The following DNAH17 variants were observed in gnomAD, a reference collection of about 807,000 sequenced individuals.
The protein encoded by DNAH17 is dynein axonemal heavy chain 17.
DNAH17 carries 376 observed loss-of-function variants against 485.6 expected under a neutral mutation model. That is an observed-to-expected ratio of 0.77 (90% confidence interval 0.71 to 0.84). The LOEUF is 0.84. Among genes scored for constraint, DNAH17 ranks in the 40% least tolerant of loss-of-function variants. The pLI, the probability that DNAH17 is intolerant of heterozygous loss-of-function variation, is 0.00. For synonymous variants in DNAH17, 3,031 were observed against 2,405.9 expected (o/e 1.26, Z -7.60); for missense variants, 6,370 against 5,839.3 (o/e 1.09, Z -2.96).
intron 80 of DNAH17, chr17:78,424,395 T>C (rs2086309890): frequency 2.1e-6 from 1 of 470,704 alleles, no homozygotes; most frequent in Non-Finnish European, 3.8e-6. Context: ...GTTCCATCCG[T>C]TTAAATCTGT....
At chr17:78,570,887 A>T in intron 6 of DNAH17, 61 bp downstream of exon 6, 2 of 822,774 alleles carry the variant, frequency 2.4e-6, no homozygotes, top group Non-Finnish European at 3.5e-6. Flanking sequence ...AAGAAAAAAG[A>T]AAAGAAAAGA....
Position 78,572,904 on chromosome 17 carries a change from AAC to A in DNAH17, c.346-12_346-11del, listed in dbSNP as rs1178484411. 1 of 1,611,934 alleles carries A rather than the reference AAC, an allele frequency of 6.2e-7. No homozygotes were observed. The highest frequency in any genetic ancestry group is 1.3e-5 in the African/African-American group (1 of 74,864). ...ACAGAGAAGAGAGGACCTAAAAGGAAACACTTCTGTGGTTCCGCCCCCTGTGC... is the reference window on the plus strand; with the variant it reads ...ACAGAGAAGAGAGGACCTAAAAGGAAACTTCTGTGGTTCCGCCCCCTGTGC... On this transcript the variant is annotated splice_polypyrimidine_tract_variant and intron_variant, in intron 2 of 80. Coordinates refer to ENST00000389840, the MANE Select transcript of DNAH17 (RefSeq NM_173628.4).
At position 78,561,886 on chromosome 17, in the gene DNAH17, T is replaced by C; in HGVS notation, c.1664A>G (p.Glu555Gly). The C allele has an allele frequency of 1.2e-6, 2 of 1,613,876 alleles. No individual in the cohort carries two copies. The highest frequency in any genetic ancestry group is 1.7e-6 in the Non-Finnish European group (2 of 1,179,852). Reference sequence around the variant, plus strand: ...GTACAAGATCTTAGCATTGTCTAGCTCAGCGTCAAACAGCTCCAGCATGAC... The same window carrying C: ...GTACAAGATCTTAGCATTGTCTAGCCCAGCGTCAAACAGCTCCAGCATGAC... ...YSVMLELFDA[E>G]LDNAKILYDA... is the part of the protein sequence containing the mutation. Residue 555 changes from glutamate (E) to glycine (G), a missense_variant, in exon 12 of 81, where the codon GAG (glutamate) becomes GGG (glycine). Physicochemically the swap from Glu to Gly is moderately conservative, Grantham distance 98. Coordinates refer to ENST00000389840, the MANE Select transcript of DNAH17 (RefSeq NM_173628.4).
intron 51 of DNAH17, chr17:78,478,764 TCATCACATCAC>T (rs1364579771): frequency 1.1e-5 from 5 of 441,258 alleles, no homozygotes; most frequent in African/African-American, 2.1e-5. Flanking sequence ...ATCACTATCA[TCATCACATCAC>T]CATCACTATC....
In DNAH17 at chr17:78,545,088, A is replaced by G. The variant is rs567977772; in HGVS notation, c.2392-1091T>C. Among the ~76,000 whole-genome samples, 774 of 150,342 alleles carry G rather than the reference A, an allele frequency of 5.1e-3. 5 individuals carry two copies. Among genetic ancestry groups the G allele is most frequent in the Admixed American group, 7.3e-3 (110 of 15,048 alleles). On this transcript the variant is annotated intron_variant, in intron 16 of 80. Transcript: ENST00000389840. Reference sequence around the variant, plus strand: ...ATCATTTACGGACTCTACATCATCAATTCAGCTGTTTCTCAGCTGCCTCTG... The same window carrying G: ...ATCATTTACGGACTCTACATCATCAGTTCAGCTGTTTCTCAGCTGCCTCTG...
At position 78,543,990 on chromosome 17, in the gene DNAH17, G is replaced by C. The variant is rs141150806; in HGVS notation, c.2399C>G (p.Ser800Trp). The change falls in exon 17 of 81, where the codon TCG becomes TGG. Residue 800 changes from serine (S) to tryptophan (W), a missense_variant. Ser to Trp is a radical substitution (Grantham distance 177). Coordinates refer to ENST00000389840, the MANE Select transcript of DNAH17 (RefSeq NM_173628.4). ...CTTTCTTTCAAACAGCGGGTTGGCCGACCAGTCCTGGAAGGAAAGCACAGG... is the reference window on the plus strand; with the variant it reads ...CTTTCTTTCAAACAGCGGGTTGGCCCACCAGTCCTGGAAGGAAAGCACAGG... ...EGISQAMKDW[S>W]ANPLFERKDN... The C allele has an allele frequency of 2.5e-6, 4 of 1,613,822 alleles. No individual in the cohort carries two copies. Among genetic ancestry groups the C allele is most frequent in the Admixed American group, 1.7e-5 (1 of 60,002 alleles).
In DNAH17 at chr17:78,529,639, G is replaced by A. The variant is rs1287675766; in HGVS notation, c.3340C>T (p.Leu1114Phe). The A allele has an allele frequency of 4.3e-6, 7 of 1,613,982 alleles. No homozygotes were observed. In the South Asian group the frequency reaches 4.4e-5, roughly 10 times the overall value. Residue 1114 changes from leucine to phenylalanine, a missense_variant, in exon 22 of 81, where the codon CTC becomes TTC. Leu to Phe is a conservative substitution (Grantham distance 22). Coordinates refer to ENST00000389840, the MANE Select transcript of DNAH17 (RefSeq NM_173628.4). ...AGCCCATCATAGTCCCCCTCCTTGA[G>A]GGGCTTGGTCAAGCCCATTCTGGCG... is the stretch of plus-strand genomic sequence containing the variant. ...KVARMGLTKP[L>F]KEGDYDGLVE...
chr17:78,476,270 C>A (rs372280546), intron 52 of DNAH17, among the ~76,000 whole-genome samples: 72 of 150,508 alleles, frequency 4.8e-4, no homozygotes, highest in African/African-American at 1.7e-3. Context: ...CCAGAGTTAT[C>A]GCGTGGAACC....
chr17:78,425,472 T>C lies in DNAH17; in HGVS notation c.13015A>G (p.Met4339Val), dbSNP rs757599273. ...QSFLTAIMQS[M>V]ARKNEWPLDK... ...AGGGGCCACTCGTTCTTCCTGGCCA[T>C]GGACTGCATGATGGCCGTGAGGAAC... Residue 4339 changes from methionine to valine, a missense_variant, in exon 80 of 81, where the codon ATG (methionine) becomes GTG (valine). By Grantham distance (21) the Met-to-Val change is conservative (BLOSUM62 1). Transcript: ENST00000389840. 5.6e-6 allele frequency: 9 copies of C among 1,613,776 alleles called. No individual in the cohort carries two copies. The East Asian group carries it at 6.7e-5, about 12-fold the overall frequency.
rs1168033533 is a variant in DNAH17, at chr17:78,574,761, G to A, written c.297C>T (p.Gly99=). The change falls in exon 2 of 81, where the codon GGC becomes GGT. Residue 99 remains glycine, a synonymous_variant. Coordinates refer to ENST00000389840, the MANE Select transcript of DNAH17 (RefSeq NM_173628.4). ...GGTCCACGGGTGTGGGGCTGATGTCGCCGTAAAGGAGCCGGGCCCTGTAGT... is the reference window on the plus strand; with the variant it reads ...GGTCCACGGGTGTGGGGCTGATGTCACCGTAAAGGAGCCGGGCCCTGTAGT... ...KDNYRARLLY[G]DISPTPVDQL... is the part of the protein sequence containing the mutation. 5.6e-6 allele frequency: 9 copies of A among 1,613,428 alleles called. No homozygotes were observed. In the Admixed American group the frequency reaches 8.3e-5, roughly 15 times the overall value.
At chr17:78,488,457 G>A (rs1402602614) in intron 44 of DNAH17, among the ~76,000 whole-genome samples, 6 of 152,228 alleles carry the variant, frequency 3.9e-5, no homozygotes, top group East Asian at 3.9e-4. Flanking sequence ...CTTGGCCCAC[G>A]CTGCCTTCGT....
chr17:78,522,458 G>A (rs2090957651), intron 25 of DNAH17: 1 of 318,652 alleles, frequency 3.1e-6, no homozygotes, highest in South Asian at 2.8e-5. Context: ...AAGGGTGGAG[G>A]CACTGGCAAC....
intron 20 of DNAH17, among the ~76,000 whole-genome samples, chr17:78,531,931 G>A (rs1476661273): frequency 6.6e-6 from 1 of 152,204 alleles, no homozygotes; most frequent in Non-Finnish European, 1.5e-5. Context: ...CCCCTCCCAG[G>A]CCTAGTCAAT....
At chr17:78,525,277 G>A (rs1048121840) in intron 24 of DNAH17, 116 bp from the exon 25 acceptor site, 17 of 1,417,810 alleles carry the variant, frequency 1.2e-5, no homozygotes, top group Non-Finnish European at 1.5e-5. Flanking sequence ...CCTTCTGGGA[G>A]GAGGTGTCCA....
intron 4 of DNAH17, 61 bp from the exon 5 acceptor site, chr17:78,571,439 C>T: frequency 6.6e-7 from 1 of 1,504,402 alleles, no homozygotes; most frequent in Non-Finnish European, 9.2e-7. Context: ...GCGAGGCCAA[C>T]CTGACCTTGT....
intron 31 of DNAH17, 99 bp downstream of exon 31, chr17:78,505,194 G>T: frequency 6.7e-7 from 1 of 1,500,842 alleles, no homozygotes; most frequent in Non-Finnish European, 9.0e-7. Context: ...AGCTGCACAG[G>T]GTGCTGGTTC....
At chr17:78,576,337 C>T (rs2092432475) in intron 1 of DNAH17, among the ~76,000 whole-genome samples, 2 of 152,140 alleles carry the variant, frequency 1.3e-5, no homozygotes, top group African/African-American at 2.4e-5. Context: ...TTCAAATGGT[C>T]TGAGATTTAT....
chr17:78,436,344 C>G (rs1382046893), intron 74 of DNAH17, among the ~76,000 whole-genome samples: 1 of 152,156 alleles, frequency 6.6e-6, no homozygotes, highest in Non-Finnish European at 1.5e-5. Context: ...AGCAGAATCA[C>G]TTGAACCCAG....
In DNAH17 at chr17:78,452,059, G is replaced by C. The variant is rs74647397; in HGVS notation, c.10530-386C>G. ...AACCCTGGGTCTGCTCATCCACTGT[G>C]GGGGGCGCTTCTCTCCGGCTCTACA... On this transcript the variant is annotated intron_variant, in intron 65 of 80. Transcript: ENST00000389840. Among the ~76,000 whole-genome samples, 221 of 148,168 alleles carry C rather than the reference G, an allele frequency of 1.5e-3. 2 individuals are homozygous for C. The East Asian group carries it at 0.043, about 29-fold the overall frequency.
Sources: allele counts gnomAD v4.1 joint callset (sites outside exome capture counted in the v4.1 genomes callset), GRCh38; gene constraint gnomAD v4.1.1; transcripts MANE v1.5; gene names NCBI Gene and HGNC (gene_info 2026-07-23, HGNC 2026-07-21).